IL18RAP: variants seen among roughly 807,000 people sequenced by gnomAD.
The protein encoded by IL18RAP is interleukin-18 receptor accessory protein.
Under a neutral mutation model 58.1 loss-of-function variants are expected in IL18RAP, and 37 were observed. That is an observed-to-expected ratio of 0.64 (90% confidence interval 0.49 to 0.84). The LOEUF (loss-of-function observed/expected upper bound fraction) is 0.84, where lower values mean the gene tolerates loss of function less well. IL18RAP is among the 40% of genes least tolerant of loss of function. IL18RAP has a pLI of 0.00. For missense variants in IL18RAP, 667 were observed against 704.8 expected, an observed-to-expected ratio of 0.95 and a Z score of 0.61; for synonymous variants, 268 against 257.5, an observed-to-expected ratio of 1.04 and a Z score of -0.39.
At chr2:102,429,731 CT>C (rs1442292391) in intron 3 of IL18RAP, among the ~76,000 whole-genome samples, 1 of 151,998 alleles carries the variant, frequency 6.6e-6, no homozygotes, top group Non-Finnish European at 1.5e-5. Context: ...CTCAGGACTG[CT>C]TTCGCTGCAT....
chr2:102,447,038 T>A (rs1558647092), intron 7 of IL18RAP, 32 bp from the exon 8 acceptor site: 1 of 1,609,508 alleles, frequency 6.2e-7, no homozygotes, highest in Non-Finnish European at 8.5e-7. Context: ...CCGCTGCCTC[T>A]ATGTCTCTTC....
chr2:102,428,412 T>C (rs1421654035), intron 3 of IL18RAP, among the ~76,000 whole-genome samples: 2 of 151,002 alleles, frequency 1.3e-5, no homozygotes, highest in African/African-American at 2.4e-5. Context: ...AGTATATAGG[T>C]CCTTTACCTT....
intron 6 of IL18RAP, 104 bp downstream of exon 6, chr2:102,443,427 G>T (rs1298455646): frequency 1.1e-5 from 14 of 1,284,370 alleles, no homozygotes; most frequent in East Asian, 2.5e-5. Context: ...CACCAGCACC[G>T]ACTAGTGGTG....
In IL18RAP at chr2:102,451,986, C is replaced by A. The variant is rs1339564107; in HGVS notation, c.1605C>A (p.Pro535=). Residue 535 remains proline, a synonymous_variant, in exon 10 of 10, where the codon CCC becomes CCA. Coordinates refer to ENST00000687160, the MANE Select transcript of IL18RAP (RefSeq NM_001393487.1). Reference sequence around the variant, plus strand: ...TGAAAAAAGCTCTCAGGGTTTTGCCCACAGTTACTTGGAGAGGCTTAAAAT... The same window carrying A: ...TGAAAAAAGCTCTCAGGGTTTTGCCAACAGTTACTTGGAGAGGCTTAAAAT... ...HLVKKALRVL[P]TVTWRGLKSV... is the part of the protein sequence containing the mutation. 2 of 1,614,120 alleles carry A rather than the reference C, an allele frequency of 1.2e-6. No homozygotes were observed. The highest frequency in any genetic ancestry group is 1.3e-5 in the African/African-American group (1 of 75,020).
intron 1 of IL18RAP, 79 bp from the exon 2 acceptor site, chr2:102,423,732 T>C: frequency 1.0e-6 from 1 of 988,652 alleles, no homozygotes. Context: ...TCTTGTTAAA[T>C]CAAGTACTAG....
At chr2:102,436,756 C>A (rs149045421) in intron 3 of IL18RAP, among the ~76,000 whole-genome samples, 1 of 150,962 alleles carries the variant, frequency 6.6e-6, no homozygotes, top group Non-Finnish European at 1.5e-5. Flanking sequence ...TGTTTATATA[C>A]GTAAATATAT....
chr2:102,430,784 T>C (rs1048994668), intron 3 of IL18RAP, among the ~76,000 whole-genome samples: 13 of 152,154 alleles, frequency 8.5e-5, no homozygotes, highest in African/African-American at 3.1e-4. Context: ...CTAGTTAAGC[T>C]AATAACAACT....
intron 3 of IL18RAP, chr2:102,434,185 T>C (rs951372499): frequency 6.6e-6 from 1 of 152,196 alleles, no homozygotes; most frequent in African/African-American, 2.4e-5. Flanking sequence ...TAACCAGCAC[T>C]GAAACAGAGG....
chr2:102,423,489 TTAGGG>T (rs1681711857), intron 1 of IL18RAP, 142 bp downstream of exon 1: 11 of 798,576 alleles, frequency 1.4e-5, no homozygotes, highest in Non-Finnish European at 2.4e-5. Context: ...AGGAGAATTA[TTAGGG>T]TGAACAGCTT....
At chr2:102,432,016 T>C (rs1268407966) in intron 3 of IL18RAP, among the ~76,000 whole-genome samples, 1 of 152,182 alleles carries the variant, frequency 6.6e-6, no homozygotes, top group Non-Finnish European at 1.5e-5. Flanking sequence ...GTTCCTTGCA[T>C]TGGTGCCTAT....
At chr2:102,445,820 T>TAA (rs11334822) in intron 7 of IL18RAP, among the ~76,000 whole-genome samples, 7 of 148,936 alleles carry the variant, frequency 4.7e-5, no homozygotes, top group Non-Finnish European at 8.9e-5. Context: ...ACGGATATAT[T>TAA]AAAAAAAAAA....
At chr2:102,422,943 GA>G (rs1194051965), upstream of IL18RAP, among the ~76,000 whole-genome samples, 8 of 151,898 alleles carry the variant, frequency 5.3e-5, no homozygotes, top group Non-Finnish European at 1.0e-4. Flanking sequence ...TTAATGAGGG[GA>G]AAAATGGCAT....
rs1044411423 is a variant in IL18RAP, at chr2:102,424,307, T to C, written c.472T>C (p.Ser158Pro). 19 of 1,613,968 alleles carry C rather than the reference T, an allele frequency of 1.2e-5. No homozygotes were observed. The highest frequency in any genetic ancestry group is 1.5e-5 in the Non-Finnish European group (18 of 1,179,952). ...CCAGACAAATGCATCCTGTGAGTAT[T>C]CCGCATCACATAAGCAAGACCTACT... ...KPQTNASCEY[S>P]ASHKQDLLLG... Residue 158 changes from serine (S) to proline (P), a missense_variant, in exon 3 of 10, where the codon TCC becomes CCC. By Grantham distance (74) the Ser-to-Pro change is moderately conservative (BLOSUM62 -1). Coordinates refer to ENST00000687160, the MANE Select transcript of IL18RAP (RefSeq NM_001393487.1).
chr2:102,424,978 G>A (rs1174640449), intron 3 of IL18RAP, among the ~76,000 whole-genome samples: 1 of 152,178 alleles, frequency 6.6e-6, no homozygotes, highest in African/African-American at 2.4e-5. Flanking sequence ...TTTTAGCTAT[G>A]AACCACATGT....
At chr2:102,428,548 C>T (rs549789332) in intron 3 of IL18RAP, among the ~76,000 whole-genome samples, 8 of 151,786 alleles carry the variant, frequency 5.3e-5, no homozygotes, top group Admixed American at 6.6e-5. Flanking sequence ...AATTTTTATA[C>T]GTTGATTTTA....
chr2:102,422,525 G>T (rs1212804274), upstream of IL18RAP, among the ~76,000 whole-genome samples: 4 of 152,136 alleles, frequency 2.6e-5, no homozygotes, highest in Non-Finnish European at 5.9e-5. Context: ...GAATGCTCCA[G>T]CTGGATCCCC....
At chr2:102,427,521 G>A (rs74731686) in intron 3 of IL18RAP, among the ~76,000 whole-genome samples, 19,968 of 152,002 alleles carry the variant, frequency 0.13, 1,461 homozygotes, top group African/African-American at 0.18. Flanking sequence ...CCTTTCTTTT[G>A]AGAAATATCT....
intron 7 of IL18RAP, among the ~76,000 whole-genome samples, chr2:102,445,641 T>A (rs1408530866): frequency 1.3e-5 from 2 of 152,226 alleles, no homozygotes; most frequent in Non-Finnish European, 2.9e-5. Flanking sequence ...ACAATAGCTA[T>A]GGGGTATGCC....
intron 3 of IL18RAP, among the ~76,000 whole-genome samples, chr2:102,426,170 C>A (rs773643636): frequency 3.9e-5 from 6 of 152,078 alleles, no homozygotes; most frequent in Admixed American, 1.3e-4. Flanking sequence ...ACACCTAATG[C>A]CTTTTTCCTT....
Sources: gnomAD v4.1 joint callset for allele counts (sites outside exome capture counted in the v4.1 genomes callset) on GRCh38, gnomAD v4.1.1 for gene constraint, MANE v1.5 for transcripts, NCBI Gene and HGNC (gene_info 2026-07-23, HGNC 2026-07-21) for gene names.